Variants in DYNC1I1 observed in about 807,000 individuals in gnomAD.
DYNC1I1 encodes dynein cytoplasmic 1 intermediate chain 1.
DYNC1I1 carries 43 observed loss-of-function variants against 86.6 expected under a neutral mutation model. The observed-to-expected ratio is 0.50, with a 90% CI of 0.39 to 0.64. DYNC1I1 has a LOEUF of 0.64. DYNC1I1 is among the 30% of genes least tolerant of loss of function. The probability of loss-of-function intolerance (pLI) is 0.00; values close to 1 mark genes in which losing one functional copy is unlikely to be tolerated. For synonymous variants in DYNC1I1, 262 were observed against 283.7 expected (o/e 0.92, Z 0.77); for missense variants, 604 against 788.8 (o/e 0.77, Z 2.81).
chr7:95,892,567 T>C (rs1790771991), intron 6 of DYNC1I1, among the ~76,000 whole-genome samples: 1 of 152,176 alleles, frequency 6.6e-6, no homozygotes, highest in Non-Finnish European at 1.5e-5. Flanking sequence ...TGCCTCAGCC[T>C]CCCAAAGTGC....
chr7:95,981,330 A>G (rs1246664645), intron 7 of DYNC1I1, among the ~76,000 whole-genome samples: 1 of 152,136 alleles, frequency 6.6e-6, no homozygotes, highest in Non-Finnish European at 1.5e-5. Flanking sequence ...ACGGCAAATG[A>G]AATACAATCA....
intron 5 of DYNC1I1, among the ~76,000 whole-genome samples, chr7:95,847,779 A>T (rs961006991): frequency 1.7e-4 from 26 of 152,108 alleles, no homozygotes; most frequent in Non-Finnish European, 2.2e-4. Context: ...ATGCCAGGAG[A>T]TCTCGCTAGG....
chr7:96,093,401 C>T (rs1219142270), intron 16 of DYNC1I1, among the ~76,000 whole-genome samples: 1 of 152,096 alleles, frequency 6.6e-6, no homozygotes, highest in Non-Finnish European at 1.5e-5. Flanking sequence ...TTCATTTTAC[C>T]TCTTTCTTAT....
chr7:95,952,679 A>G (rs1792592016), intron 6 of DYNC1I1, among the ~76,000 whole-genome samples: 1 of 152,172 alleles, frequency 6.6e-6, no homozygotes, highest in South Asian at 2.1e-4. Context: ...TTTCTGTACC[A>G]GGCAAAAACC....
chr7:96,028,060 T>G, intron 10 of DYNC1I1, 115 bp from the exon 11 acceptor site: 3 of 1,393,950 alleles, frequency 2.2e-6, no homozygotes, highest in Non-Finnish European at 2.9e-6. Flanking sequence ...TTTAAATTAT[T>G]TTTTTGTTTT....
Position 95,984,947 on chromosome 7 carries a change from A to G in DYNC1I1, c.713A>G (p.Tyr238Cys). 4 of 1,613,460 alleles carry G rather than the reference A, an allele frequency of 2.5e-6. No individual in the cohort carries two copies. Among genetic ancestry groups the G allele is most frequent in the Non-Finnish European group, 3.4e-6 (4 of 1,179,646 alleles). Reference protein sequence around the residue: ...LAEDSDIFFDYSGRELEEKDG... With the variant: ...LAEDSDIFFDCSGRELEEKDG... ...GAAGATTCCGACATCTTTTTTGACT[A>G]CAGCGGCCGAGAGTTAGAGGAAAAA... The change falls in exon 8 of 17, where the codon TAC becomes TGC. Residue 238 changes from tyrosine to cysteine, a missense_variant. Transcript: ENST00000447467.
chr7:95,772,803 C>T (rs1793737581), intron 1 of DYNC1I1, 30 bp downstream of exon 1: 1 of 152,262 alleles, frequency 6.6e-6, no homozygotes, highest in Non-Finnish European at 1.5e-5. Flanking sequence ...CGCCGCTCCC[C>T]GGACGGCCGC....
intron 9 of DYNC1I1, among the ~76,000 whole-genome samples, chr7:95,993,116 A>AT (rs199793532): frequency 1.6e-3 from 247 of 152,264 alleles, no homozygotes; most frequent in African/African-American, 5.4e-3. Context: ...TTGTTTAGAG[A>AT]TTTTTTATTG....
At chr7:95,868,301 C>T (rs1684563704) in intron 5 of DYNC1I1, among the ~76,000 whole-genome samples, 1 of 152,226 alleles carries the variant, frequency 6.6e-6, no homozygotes, top group Non-Finnish European at 1.5e-5. Context: ...TCTTAGATCT[C>T]ATCTCAATTG....
At chr7:96,093,097 T>A (rs1269024381) in intron 16 of DYNC1I1, among the ~76,000 whole-genome samples, 6 of 152,140 alleles carry the variant, frequency 3.9e-5, no homozygotes, top group South Asian at 2.1e-4. Flanking sequence ...GAAATTTTTT[T>A]AAAAAACAGA....
chr7:95,819,633 A>C (rs1184423489), intron 4 of DYNC1I1, among the ~76,000 whole-genome samples: 1 of 152,182 alleles, frequency 6.6e-6, no homozygotes, highest in Non-Finnish European at 1.5e-5. Context: ...GAAATTTAAT[A>C]AGACTATTAA....
At chr7:96,107,231 T>C (rs925248022) in intron 16 of DYNC1I1, among the ~76,000 whole-genome samples, 3 of 152,002 alleles carry the variant, frequency 2.0e-5, no homozygotes, top group Non-Finnish European at 2.9e-5. Context: ...GGTTTCATCA[T>C]GTTGGCCAGG....
At chr7:95,890,913 A>AT (rs1357175403) in intron 6 of DYNC1I1, among the ~76,000 whole-genome samples, 4 of 152,222 alleles carry the variant, frequency 2.6e-5, no homozygotes, top group Non-Finnish European at 5.9e-5. Context: ...CCTACAAGTG[A>AT]TTTTTAGTGG....
chr7:96,000,996 C>G (rs1322809979), intron 10 of DYNC1I1, among the ~76,000 whole-genome samples: 1 of 152,170 alleles, frequency 6.6e-6, no homozygotes, highest in Non-Finnish European at 1.5e-5. Flanking sequence ...CTTGCCATGA[C>G]ACATTGCAAG....
rs3047672 is a variant in DYNC1I1, at chr7:96,077,239, T to TTGTGTGTGTGTGTG, written c.1650+1067_1650+1080dup. Reference sequence around the variant, plus strand: ...GAGGAGGAGCACACTTCCCTAGTATTTGTGTGTGTGTGTGTGTGTGTGTGT... The same window carrying TTGTGTGTGTGTGTG: ...GAGGAGGAGCACACTTCCCTAGTATTTGTGTGTGTGTGTGTGTGTGTGTGTGTGTGTGTGTGTGT... On this transcript the variant is annotated intron_variant, in intron 15 of 16. Coordinates refer to ENST00000447467, the MANE Select transcript of DYNC1I1 (RefSeq NM_001135556.2). Among the ~76,000 whole-genome samples, 28 of 144,434 alleles carry TTGTGTGTGTGTGTG rather than the reference T, an allele frequency of 1.9e-4. 1 individual carries two copies. The highest frequency in any genetic ancestry group is 6.2e-4 in the African/African-American group (24 of 38,670). The allele number at this position is 144,434 out of a possible 152,430, so 94.8% of individuals were successfully genotyped here.
intron 14 of DYNC1I1, among the ~76,000 whole-genome samples, chr7:96,047,424 G>T (rs1219048735): frequency 5.3e-5 from 8 of 152,144 alleles, no homozygotes; most frequent in Non-Finnish European, 1.2e-4. Flanking sequence ...TGCAATCTTG[G>T]ACCTGCTGAT....
At chr7:96,029,868 A>G in intron 11 of DYNC1I1, among the ~76,000 whole-genome samples, 1 of 151,580 alleles carries the variant, frequency 6.6e-6, no homozygotes, top group Admixed American at 6.6e-5. Context: ...CCAAGATTTT[A>G]CCACTGCACT....
chr7:96,089,960 A>G (rs1044186459), intron 16 of DYNC1I1, among the ~76,000 whole-genome samples: 1 of 152,260 alleles, frequency 6.6e-6, no homozygotes, highest in Middle Eastern at 3.4e-3. Flanking sequence ...CTTGTGTAGC[A>G]CATGCTTTTG....
chr7:95,834,602 G>A (rs1303790242), intron 5 of DYNC1I1, among the ~76,000 whole-genome samples: 3 of 139,696 alleles, frequency 2.1e-5, no homozygotes, highest in Non-Finnish European at 4.6e-5. Flanking sequence ...ATCTGGTCCT[G>A]GACTCTTTTT....
Sources: allele counts gnomAD v4.1 joint callset (sites outside exome capture counted in the v4.1 genomes callset), GRCh38; gene constraint gnomAD v4.1.1; transcripts MANE v1.5; gene names NCBI Gene and HGNC (gene_info 2026-07-23, HGNC 2026-07-21).